Variants in FHDC1 observed in about 807,000 individuals in gnomAD.
The protein encoded by FHDC1 is FH2 domain containing 1, also known as FH2 domain-containing protein 1.
FHDC1 carries 25 observed loss-of-function variants against 52.6 expected under a neutral mutation model. The ratio of observed to expected loss-of-function variants is 0.48; its 90% confidence interval spans 0.35 to 0.66. The LOEUF is 0.66. FHDC1 is among the 30% of genes least tolerant of loss of function. FHDC1 has a pLI of 0.01. For synonymous variants in FHDC1, 616 were observed against 581.5 expected (o/e 1.06, Z -0.85); for missense variants, 1,459 against 1,452.8 (o/e 1.00, Z -0.07).
rs961240861 is a variant in FHDC1, at chr4:152,976,715, C to T, written c.3424C>T (p.Arg1142Trp). 8.1e-6 allele frequency: 12 copies of T among 1,479,184 alleles called. No individual in the cohort carries two copies. The highest frequency in any genetic ancestry group is 9.0e-6 in the Non-Finnish European group (10 of 1,112,322). 91.6% of individuals were successfully genotyped at this position (1,479,184 alleles called of 1,614,324 possible). Residue 1142 changes from arginine (R) to tryptophan (W), a missense_variant, in exon 12 of 12, where the codon CGG (arginine) becomes TGG (tryptophan). Around this residue, in one of 3 missense-constraint regions of FHDC1, gnomAD observed 939 missense variants for 854.5 expected, o/e 1.10. Transcript: ENST00000511601. ...GCTGGGGAGAATCCTCAATCCCTTACGGAAGTGATGGGTGCCTGTCCTCTC... is the reference window on the plus strand; with the variant it reads ...GCTGGGGAGAATCCTCAATCCCTTATGGAAGTGATGGGTGCCTGTCCTCTC... ...TTLGRILNPL[R>W]K is the part of the protein sequence containing the mutation.
intron 6 of FHDC1, 38 bp downstream of exon 6, chr4:152,960,882 A>G (rs1270351774): frequency 1.4e-6 from 2 of 1,449,972 alleles, no homozygotes; most frequent in Non-Finnish European, 1.9e-6. Flanking sequence ...ATTTGTTTTT[A>G]TTAATTTCGA....
chr4:152,951,674 C>G (rs1739931164), intron 2 of FHDC1, among the ~76,000 whole-genome samples: 1 of 152,118 alleles, frequency 6.6e-6, no homozygotes, highest in Non-Finnish European at 1.5e-5. Context: ...ACCTGATTCT[C>G]TTTTGTTCAC....
At chr4:152,924,828 A>G in the FHDC1 span, among the ~76,000 whole-genome samples, 1 of 127,688 alleles carries the variant, frequency 7.8e-6, no homozygotes, top group African/African-American at 3.0e-5. Context: ...CATGGGACAC[A>G]GGAAGGGGAA....
chr4:152,922,713 C>G, the FHDC1 span, among the ~76,000 whole-genome samples: 13 of 152,078 alleles, frequency 8.5e-5, no homozygotes, highest in Non-Finnish European at 1.6e-4. Context: ...ATACGCAAAT[C>G]AATAAATGTA....
In FHDC1 at chr4:152,976,125, T is replaced by G; in HGVS notation, c.2834T>G (p.Val945Gly). The change falls in exon 12 of 12, where the codon GTG (valine) becomes GGG (glycine). Residue 945 changes from valine (V) to glycine (G), a missense_variant. Physicochemically the swap from Val to Gly is moderately radical, Grantham distance 109 (BLOSUM62 -3). Transcript: ENST00000511601. Reference sequence around the variant, plus strand: ...ACTGTGTGGTCACGCCAGAACTCCGTGCGGAGGGCCTCCACAGGCGCCGAA... The same window carrying G: ...ACTGTGTGGTCACGCCAGAACTCCGGGCGGAGGGCCTCCACAGGCGCCGAA... ...TDTVWSRQNS[V>G]RRASTGAEEQ... The G allele has an allele frequency of 1.2e-6, 2 of 1,611,310 alleles. No individual in the cohort carries two copies. The highest frequency in any genetic ancestry group is 1.1e-5 in the South Asian group (1 of 90,854).
chr4:152,949,502 G>T (rs11733428), intron 2 of FHDC1, among the ~76,000 whole-genome samples: 1 of 151,676 alleles, frequency 6.6e-6, no homozygotes, highest in Admixed American at 6.5e-5. Flanking sequence ...TAAATAAAAA[G>T]TTATGATGGC....
intron 6 of FHDC1, among the ~76,000 whole-genome samples, chr4:152,962,429 C>T (rs1025110035): frequency 2.0e-5 from 3 of 152,148 alleles, no homozygotes; most frequent in Non-Finnish European, 4.4e-5. Context: ...CTCTTTGAGA[C>T]TGCATACTCA....
the FHDC1 span, chr4:152,927,974 C>T: frequency 1.3e-6 from 2 of 1,484,968 alleles, no homozygotes; most frequent in Non-Finnish European, 1.9e-6. Flanking sequence ...GGACCCTGAG[C>T]CAGATGACAA....
chr4:152,934,273 G>C (rs959369726), upstream of FHDC1, among the ~76,000 whole-genome samples: 1 of 152,172 alleles, frequency 6.6e-6, no homozygotes, highest in Non-Finnish European at 1.5e-5. Flanking sequence ...GAAAAGCTAG[G>C]ATTTCAAACA....
intron 2 of FHDC1, 139 bp from the exon 3 acceptor site, chr4:152,953,359 CT>C: frequency 6.2e-6 from 4 of 640,038 alleles, no homozygotes; most frequent in Non-Finnish European, 8.0e-6. Flanking sequence ...TTAGGAATAT[CT>C]GTTAATCACC....
intron 2 of FHDC1, among the ~76,000 whole-genome samples, chr4:152,945,763 T>C (rs1739711568): frequency 6.6e-6 from 1 of 152,206 alleles, no homozygotes; most frequent in South Asian, 2.1e-4. Flanking sequence ...GGCCTAACCA[T>C]TTTTAAACAG....
At chr4:152,959,918 C>T (rs1740221489) in intron 4 of FHDC1, among the ~76,000 whole-genome samples, 1 of 144,400 alleles carries the variant, frequency 6.9e-6, no homozygotes, top group Non-Finnish European at 1.5e-5. Context: ...ACTCTTCTGC[C>T]AGGGTCCCTG....
At chr4:152,952,475 C>T (rs2149945018) in intron 2 of FHDC1, among the ~76,000 whole-genome samples, 1 of 152,104 alleles carries the variant, frequency 6.6e-6, no homozygotes, top group East Asian at 1.9e-4. Flanking sequence ...TTTGCATCCT[C>T]AAATTCAACC....
At position 152,974,835 on chromosome 4, in the gene FHDC1, T is replaced by C; in HGVS notation, c.1544T>C (p.Leu515Pro). 6.3e-7 allele frequency: 1 copy of C among 1,597,048 alleles called. No homozygotes were observed. Among genetic ancestry groups the C allele is most frequent in the Non-Finnish European group, 8.6e-7 (1 of 1,168,970 alleles). Residue 515 changes from leucine (L) to proline (P), a missense_variant, in exon 12 of 12, where the codon CTG (leucine) becomes CCG (proline). By Grantham distance (98) the Leu-to-Pro change is moderately conservative. This residue lies in a region of FHDC1 where 939 missense variants were observed against 854.5 expected (regional missense o/e 1.10). Transcript: ENST00000511601. ...CTGACCAAGAAGGGTGCAGAGGGCC[T>C]GCTCCCTTTCCTGCACCCCAGGCCC... ...ELLTKKGAEGLLPFLHPRPIS... is the reference protein window; with the variant it reads ...ELLTKKGAEGPLPFLHPRPIS...
At chr4:152,913,364 A>T in the FHDC1 span, among the ~76,000 whole-genome samples, 1 of 152,206 alleles carries the variant, frequency 6.6e-6, no homozygotes, top group Non-Finnish European at 1.5e-5. Flanking sequence ...CATAAAGTAA[A>T]ATTATGTATA....
chr4:152,923,498 GA>G, the FHDC1 span, among the ~76,000 whole-genome samples: 1 of 152,042 alleles, frequency 6.6e-6, no homozygotes, highest in Non-Finnish European at 1.5e-5. Context: ...CACAGAATTG[GA>G]AAAAACTACT....
At chr4:152,914,514 G>C in the FHDC1 span, among the ~76,000 whole-genome samples, 1 of 152,158 alleles carries the variant, frequency 6.6e-6, no homozygotes, top group African/African-American at 2.4e-5. Context: ...TGATTAGTAT[G>C]CTATCAGAAC....
At chr4:152,967,887 C>T in intron 9 of FHDC1, 93 bp from the exon 10 acceptor site, 1 of 881,206 alleles carries the variant, frequency 1.1e-6, no homozygotes, top group Admixed American at 2.3e-5. Flanking sequence ...CCTTCTGTTT[C>T]CAAGGTTGAA....
chr4:152,949,124 T>TAATAAGAAGAAGAAGAAG (rs1347590282), intron 2 of FHDC1, among the ~76,000 whole-genome samples: 62 of 74,690 alleles, frequency 8.3e-4, no homozygotes, highest in East Asian at 3.2e-3. Context: ...ATAATAATAA[T>TAATAAGAAGAAGAAGAAG]AAGAAGAAGA....
Sources: allele counts gnomAD v4.1 joint callset (sites outside exome capture counted in the v4.1 genomes callset), GRCh38; gene constraint gnomAD v4.1.1; regional missense constraint gnomAD v4.1.1; transcripts MANE v1.5; gene names NCBI Gene and HGNC (gene_info 2026-07-23, HGNC 2026-07-21).